RYR3: variants seen among roughly 807,000 people sequenced by gnomAD.
RYR3 encodes the protein ryanodine receptor 3, also known as brain ryanodine receptor-calcium release channel.
Under a neutral mutation model 584.3 loss-of-function variants are expected in RYR3, and 207 were observed. The ratio of observed to expected loss-of-function variants is 0.35; its 90% CI spans 0.32 to 0.40. The LOEUF (loss-of-function observed/expected upper bound fraction) is 0.40. Ranked by LOEUF, RYR3 falls within the 10% of genes least tolerant of loss-of-function variation. RYR3 has a pLI of 1.00. For synonymous variants in RYR3, 2,416 were observed against 2,248.5 expected, an observed-to-expected ratio of 1.07 and a Z score of -2.11; for missense variants, 5,616 against 6,089.2, an observed-to-expected ratio of 0.92 and a Z score of 2.59.
chr15:33,789,216 G>A (rs998701680), intron 67 of RYR3, among the ~76,000 whole-genome samples: 3 of 152,114 alleles, frequency 2.0e-5, no homozygotes, highest in Admixed American at 6.5e-5. Context: ...ACACGGGGCC[G>A]AGAGTCCAGG....
rs373111706 is a variant in RYR3 at position 33,824,682 on chromosome 15, C to G, written c.11073-921C>G. On this transcript the variant is annotated intron_variant, in intron 81 of 103. Coordinates refer to ENST00000634891, the MANE Select transcript of RYR3 (RefSeq NM_001036.6). ...CTTACCTAAATCACAAAACATGTGA[C>G]TCCTTAAAAAGAAAACAGGAAGGCC... is the stretch of plus-strand genomic sequence containing the variant. Among the ~76,000 whole-genome samples, 160 of 152,290 alleles carry G rather than the reference C, an allele frequency of 1.1e-3. 2 individuals carry two copies. In the South Asian group the frequency reaches 0.023, roughly 21 times the overall value.
At chr15:33,796,576 T>A (rs114961202) in intron 67 of RYR3, among the ~76,000 whole-genome samples, 124 of 152,340 alleles carry the variant, frequency 8.1e-4, no homozygotes, top group African/African-American at 2.9e-3. Context: ...TTGGTTGTTG[T>A]TATAAATTTA....
intron 10 of RYR3, 147 bp downstream of exon 10, chr15:33,550,463 T>C (rs1308717465): frequency 4.0e-6 from 3 of 741,518 alleles, no homozygotes; most frequent in Non-Finnish European, 6.5e-6. Flanking sequence ...TTTCTTCTTT[T>C]ATCTTTTGAA....
rs185899454 is a variant in RYR3 at position 33,314,104 on chromosome 15, A to T, written c.51+3008A>T. 2.0e-5 allele frequency among the ~76,000 whole-genome samples: 3 copies of T among 152,346 alleles called. No homozygotes were observed. The East Asian group carries it at 5.8e-4, about 29-fold the overall frequency. On this transcript the variant is annotated intron_variant, in intron 1 of 103. Transcript: ENST00000634891. ...CTAAACAAGGGCTTTGGAAGCTTAA[A>T]CACATGTGAACTAAATGCTACTGTA...
intron 22 of RYR3, 38 bp from the exon 23 acceptor site, chr15:33,631,172 G>A (rs1045036164): frequency 3.2e-6 from 4 of 1,259,882 alleles, no homozygotes; most frequent in East Asian, 2.5e-5. Flanking sequence ...TCCTAACACT[G>A]CAGTTAACCT....
chr15:33,539,425 A>C lies in RYR3; in HGVS notation c.509A>C (p.Asp170Ala). Residue 170 changes from aspartate to alanine, a missense_variant, in exon 6 of 104, where the codon GAC becomes GCC. By Grantham distance (126) the Asp-to-Ala change is moderately radical. Coordinates refer to ENST00000634891, the MANE Select transcript of RYR3 (RefSeq NM_001036.6). ...GGAGAGAAAGTTCGAATTGGCGATG[A>C]CCTCATCCTCGTCAGCGTGTCCTCT... The part of the protein sequence containing the change: ...SEGEKVRIGD[D>A]LILVSVSSER... 6.2e-7 allele frequency: 1 copy of C among 1,602,340 alleles called. No individual in the cohort carries two copies. The highest frequency in any genetic ancestry group is 8.5e-7 in the Non-Finnish European group (1 of 1,173,788).
intron 19 of RYR3, among the ~76,000 whole-genome samples, chr15:33,622,035 T>C (rs192878869): frequency 2.0e-5 from 3 of 152,286 alleles, no homozygotes; most frequent in Non-Finnish European, 4.4e-5. Context: ...ACAACAAAAC[T>C]GGAAGTGGCT....
intron 6 of RYR3, 140 bp from the exon 7 acceptor site, chr15:33,540,651 A>C: frequency 1.7e-6 from 1 of 595,876 alleles, no homozygotes; most frequent in Non-Finnish European, 3.0e-6. Context: ...GATCAGGTGG[A>C]GAAATCTCCC....
At chr15:33,633,461 G>A (rs1420994971) in intron 24 of RYR3, among the ~76,000 whole-genome samples, 1 of 152,228 alleles carries the variant, frequency 6.6e-6, no homozygotes, top group African/African-American at 2.4e-5. Flanking sequence ...TGAGCAGGAG[G>A]CAGCTTGAAA....
intron 64 of RYR3, among the ~76,000 whole-genome samples, chr15:33,779,340 A>C (rs773696212): frequency 6.6e-6 from 1 of 152,116 alleles, no homozygotes; most frequent in African/African-American, 2.4e-5. Flanking sequence ...AGGAAGACTT[A>C]AGAACCAGAC....
chr15:33,860,579 G>A lies in RYR3; in HGVS notation c.14300-16G>A, dbSNP rs1329658311. The A allele has an allele frequency of 2.6e-6, 4 of 1,545,626 alleles. No individual in the cohort carries two copies. In the South Asian group the frequency reaches 4.8e-5, roughly 19 times the overall value. On this transcript the variant is annotated splice_polypyrimidine_tract_variant and intron_variant, in intron 100 of 103. Transcript: ENST00000634891. ...CCACTACACAGATTGCTTTGTCTTT[G>A]TATTTAACATTCCAGGTCTTATTAT...
chr15:33,570,037 A>AT (rs796569065), intron 12 of RYR3, among the ~76,000 whole-genome samples: 12 of 150,958 alleles, frequency 7.9e-5, no homozygotes, highest in South Asian at 6.3e-4. Context: ...GGCTTTTCTC[A>AT]TTTTTTTTAA....
At chr15:33,824,047 T>C (rs1390232245) in intron 81 of RYR3, among the ~76,000 whole-genome samples, 2 of 152,180 alleles carry the variant, frequency 1.3e-5, no homozygotes, top group African/African-American at 2.4e-5. Flanking sequence ...TATTCATTTA[T>C]TATCTCTCTC....
rs778948074 is a variant in RYR3, at chr15:33,722,735, G to A, written c.6640G>A (p.Ala2214Thr). The change falls in exon 44 of 104, where the codon GCC becomes ACC. Residue 2214 changes from alanine to threonine, a missense_variant. Ala to Thr is a moderately conservative substitution (Grantham distance 58, BLOSUM62 0). Around this residue, in one of 9 missense-constraint regions of RYR3, gnomAD observed 1,280 missense variants for 1,426.2 expected, o/e 0.90. Transcript: ENST00000634891. Reference sequence around the variant, plus strand: ...CTCAGGTGAGAGTGTGGAAGAAAACGCCAGCGTTGTGGTCAAGCTGCTCAT... The same window carrying A: ...CTCAGGTGAGAGTGTGGAAGAAAACACCAGCGTTGTGGTCAAGCTGCTCAT... The part of the protein sequence containing the change: ...FVNSESVEEN[A>T]SVVVKLLIRR... 6.8e-6 allele frequency: 11 copies of A among 1,612,516 alleles called. No individual in the cohort carries two copies. Among genetic ancestry groups the A allele is most frequent in the Non-Finnish European group, 3.4e-6 (4 of 1,179,470 alleles).
chr15:33,851,540 A>G (rs981914612), intron 94 of RYR3: 2 of 152,174 alleles, frequency 1.3e-5, no homozygotes, highest in African/African-American at 4.8e-5. Flanking sequence ...CCACACTTTA[A>G]GGACTCGTAA....
chr15:33,548,071 T>C (rs2056382386), intron 8 of RYR3, 59 bp from the exon 9 acceptor site: 14 of 1,266,244 alleles, frequency 1.1e-5, no homozygotes, highest in Non-Finnish European at 1.5e-5. Flanking sequence ...GAGCTGTTCT[T>C]CACCCGGGTG....
chr15:33,793,532 T>A (rs2075289644), intron 67 of RYR3, among the ~76,000 whole-genome samples: 1 of 152,054 alleles, frequency 6.6e-6, no homozygotes, highest in South Asian at 2.1e-4. Flanking sequence ...AGGGGCTCGT[T>A]ATATATAATA....
intron 42 of RYR3, among the ~76,000 whole-genome samples, chr15:33,703,411 T>C (rs2066448993): frequency 6.6e-6 from 1 of 152,222 alleles, no homozygotes; most frequent in Non-Finnish European, 1.5e-5. Context: ...GATCGAGGTG[T>C]GCGCAGGTTT....
At chr15:33,422,052 A>G (rs1222806734) in intron 1 of RYR3, among the ~76,000 whole-genome samples, 2 of 152,188 alleles carry the variant, frequency 1.3e-5, no homozygotes, top group African/African-American at 4.8e-5. Context: ...GTTCATTATT[A>G]TAATTGAACA....
Sources: gnomAD v4.1 joint callset for allele counts (sites outside exome capture counted in the v4.1 genomes callset) on GRCh38, gnomAD v4.1.1 for gene constraint, gnomAD v4.1.1 regional missense constraint, MANE v1.5 for transcripts, NCBI Gene and HGNC (gene_info 2026-07-23, HGNC 2026-07-21) for gene names.